MARCHF10: variants seen among roughly 807,000 people sequenced by gnomAD.
The protein encoded by MARCHF10 is membrane associated ring-CH-type finger 10, also known as probable E3 ubiquitin-protein ligase MARCHF10.
MARCHF10 carries 64 observed loss-of-function variants against 76.2 expected under a neutral mutation model. The ratio of observed to expected loss-of-function variants is 0.84; its 90% CI spans 0.69 to 1.03. The LOEUF (loss-of-function observed/expected upper bound fraction) is 1.03. Among genes scored for constraint, MARCHF10 ranks in the 50% least tolerant of loss-of-function variants. The pLI, the probability that MARCHF10 is intolerant of heterozygous loss-of-function variation, is 0.00. For synonymous variants in MARCHF10, 340 were observed against 357.5 expected, an observed-to-expected ratio of 0.95 and a Z score of 0.55; for missense variants, 875 against 958.0, an observed-to-expected ratio of 0.91 and a Z score of 1.14.
At chr17:62,722,662 C>A in intron 7 of MARCHF10, 65 bp from the exon 8 acceptor site, 1 of 1,375,678 alleles carries the variant, frequency 7.3e-7, no homozygotes, top group Non-Finnish European at 1.0e-6. Flanking sequence ...GCACTTTGGA[C>A]AGGTGATATT....
At chr17:62,728,782 A>G (rs1044515087) in intron 6 of MARCHF10, among the ~76,000 whole-genome samples, 3 of 152,252 alleles carry the variant, frequency 2.0e-5, no homozygotes, top group Non-Finnish European at 4.4e-5. Flanking sequence ...TGATCCACCA[A>G]GAAGAGATCA....
At position 62,704,342 on chromosome 17, in the gene MARCHF10, C is replaced by T. The variant is rs1282257379; in HGVS notation, c.2371+1197G>A. ...GGCTGGAGGCCCGGGGGGGCGAGGC[C>T]GGGGTCGGGGGTGGCCGCGCGAGGG... On this transcript the variant is annotated intron_variant, in intron 10 of 10. Transcript: ENST00000311269. Among the ~76,000 whole-genome samples, 12 of 152,158 alleles carry T rather than the reference C, an allele frequency of 7.9e-5. No homozygotes were observed. The East Asian group carries it at 1.7e-3, about 22-fold the overall frequency.
intron 6 of MARCHF10, chr17:62,735,544 C>CG (rs2147799208): frequency 5.6e-6 from 1 of 178,262 alleles, no homozygotes; most frequent in African/African-American, 2.4e-5. Context: ...GGGAGAGCTG[C>CG]GAACTTCAAG....
intron 4 of MARCHF10, among the ~76,000 whole-genome samples, chr17:62,754,686 G>A (rs2091989625): frequency 6.6e-6 from 1 of 151,954 alleles, no homozygotes; most frequent in Non-Finnish European, 1.5e-5. Flanking sequence ...TGGGCTCTGC[G>A]ACAACCCCGA....
chr17:62,744,881 C>T lies in MARCHF10; in HGVS notation c.383-353G>A, dbSNP rs540231617. 1.9e-4 allele frequency among the ~76,000 whole-genome samples: 26 copies of T among 133,408 alleles called. No individual in the cohort carries two copies. The East Asian group carries it at 3.9e-3, about 20-fold the overall frequency. 87.5% of individuals were successfully genotyped at this position (133,408 alleles called of 152,430 possible). A position where few individuals can be genotyped will look rare whatever the true frequency, so the allele number is the denominator to read the frequency against. On this transcript the variant is annotated intron_variant, in intron 4 of 10. Transcript: ENST00000311269. ...TACAAAAATTAGCTGGGCATGGTGG[C>T]GCATGCCTGTAGTCCCGGAGGCTGA...
chr17:62,797,538 A>G (rs2093005578), intron 2 of MARCHF10, among the ~76,000 whole-genome samples: 1 of 152,200 alleles, frequency 6.6e-6, no homozygotes, highest in South Asian at 2.1e-4. Context: ...TACTATGTGT[A>G]TGAGCACAGA....
intron 10 of MARCHF10, among the ~76,000 whole-genome samples, chr17:62,702,761 TC>T (rs995032405): frequency 6.6e-6 from 1 of 152,160 alleles, no homozygotes; most frequent in Non-Finnish European, 1.5e-5. Flanking sequence ...TGACATCCCC[TC>T]AATCCTACCT....
At chr17:62,752,980 C>T (rs1157363325) in intron 4 of MARCHF10, among the ~76,000 whole-genome samples, 4 of 152,152 alleles carry the variant, frequency 2.6e-5, no homozygotes, top group East Asian at 1.9e-4. Flanking sequence ...ACTGATGCCC[C>T]GTCGCCTCCA....
At chr17:62,773,713 A>G (rs1054679196) in intron 3 of MARCHF10, among the ~76,000 whole-genome samples, 2 of 152,122 alleles carry the variant, frequency 1.3e-5, no homozygotes, top group Non-Finnish European at 2.9e-5. Flanking sequence ...AAGCTCAGGA[A>G]ATTTCTAGCT....
At chr17:62,784,628 T>C (rs1026169961) in intron 3 of MARCHF10, among the ~76,000 whole-genome samples, 5 of 152,202 alleles carry the variant, frequency 3.3e-5, no homozygotes, top group Admixed American at 1.3e-4. Flanking sequence ...GAAAACCCCA[T>C]TGTCTCAGCC....
intron 6 of MARCHF10, among the ~76,000 whole-genome samples, chr17:62,727,701 C>A (rs187445490): frequency 1.3e-5 from 2 of 152,184 alleles, no homozygotes; most frequent in East Asian, 3.9e-4. Context: ...CACAATAGTG[C>A]TGGAAAACAA....
rs1466496103 is a variant in MARCHF10 at position 62,711,285 on chromosome 17, C to T, written c.2274G>A (p.Glu758=). Reference sequence around the variant, plus strand: ...GCCTCATGAGTTCTGCAAACCTCTGCTCATAGAGGTGAAGCAGCAGCACCA... The same window carrying T: ...GCCTCATGAGTTCTGCAAACCTCTGTTCATAGAGGTGAAGCAGCAGCACCA... ...LYLVLLLHLY[E]QRFAELMRLN... The change falls in exon 9 of 11, where the codon GAG becomes GAA. Residue 758 remains glutamate, a synonymous_variant. Coordinates refer to ENST00000311269, the MANE Select transcript of MARCHF10 (RefSeq NM_152598.4). The surrounding 1 kb of genome is among the most constrained non-coding windows in gnomAD (Gnocchi z 4.4). 2 of 1,614,124 alleles carry T rather than the reference C, an allele frequency of 1.2e-6. No homozygotes were observed.
intron 2 of MARCHF10, among the ~76,000 whole-genome samples, chr17:62,799,537 C>T (rs949126688): frequency 2.6e-5 from 4 of 152,098 alleles, no homozygotes; most frequent in Admixed American, 1.3e-4. Context: ...CACCTGAGGT[C>T]GGGAGTTTGA....
chr17:62,798,788 G>A (rs1411845533), intron 2 of MARCHF10, among the ~76,000 whole-genome samples: 2 of 152,208 alleles, frequency 1.3e-5, no homozygotes, highest in African/African-American at 2.4e-5. Flanking sequence ...ACTTAAGCAC[G>A]TTCGTGGACT....
At chr17:62,703,897 G>A (rs931223998) in intron 10 of MARCHF10, among the ~76,000 whole-genome samples, 2 of 152,230 alleles carry the variant, frequency 1.3e-5, no homozygotes, top group African/African-American at 4.8e-5. Context: ...GCTCCAGGGT[G>A]TGCGGGGAAA....
chr17:62,720,959 C>T (rs1599088860), intron 8 of MARCHF10, among the ~76,000 whole-genome samples: 1 of 150,910 alleles, frequency 6.6e-6, no homozygotes, highest in East Asian at 1.9e-4. Flanking sequence ...CCTCTGGCTC[C>T]CAGGTTCAAG....
Position 62,733,080 on chromosome 17 carries a change from T to TGTTGAAAG in MARCHF10, c.1937+2843_1937+2850dup, listed in dbSNP as rs557894341. Among the ~76,000 whole-genome samples, 442 of 150,236 alleles carry TGTTGAAAG rather than the reference T, an allele frequency of 2.9e-3. 1 individual carries two copies. The highest frequency in any genetic ancestry group is 0.01 in the African/African-American group (422 of 40,854). On this transcript the variant is annotated intron_variant, in intron 6 of 10. Transcript: ENST00000311269. ...GGAAAAGATATTTCCAACACACAAC[T>TGTTGAAAG]GTTGAAAGATTAAATTAATAGGCCA...
chr17:62,755,163 T>C (rs2092003934), intron 4 of MARCHF10, among the ~76,000 whole-genome samples: 1 of 152,220 alleles, frequency 6.6e-6, no homozygotes, highest in Non-Finnish European at 1.5e-5. Context: ...ACACTTGGCT[T>C]TGCTTTAAAG....
At chr17:62,772,208 GGT>G (rs1400364220) in intron 3 of MARCHF10, among the ~76,000 whole-genome samples, 1 of 152,096 alleles carries the variant, frequency 6.6e-6, no homozygotes, top group Non-Finnish European at 1.5e-5. Flanking sequence ...CATGGGGGTG[GGT>G]CTTTCCTGTG....
Sources: allele counts gnomAD v4.1 joint callset (sites outside exome capture counted in the v4.1 genomes callset), GRCh38; gene constraint gnomAD v4.1.1; non-coding constraint Gnocchi (gnomAD v3.1); transcripts MANE v1.5; gene names NCBI Gene and HGNC (gene_info 2026-07-23, HGNC 2026-07-21).